Variants in AGBL1 observed in about 807,000 individuals in gnomAD.
AGBL1 encodes the protein cytosolic carboxypeptidase 4.
AGBL1 carries 130 observed loss-of-function variants against 118.9 expected under a neutral mutation model. That is an observed-to-expected ratio of 1.09 (90% confidence interval 0.95 to 1.26). The LOEUF (loss-of-function observed/expected upper bound fraction) is 1.26. Ranked by LOEUF, AGBL1 falls within the 50% of genes most tolerant of loss-of-function variation. The probability of loss-of-function intolerance (pLI) is 0.00; values close to 1 mark genes in which losing one functional copy is unlikely to be tolerated. For missense variants in AGBL1, 1,584 were observed against 1,298.1 expected, an observed-to-expected ratio of 1.22 and a Z score of -3.38; for synonymous variants, 555 against 478.9, an observed-to-expected ratio of 1.16 and a Z score of -2.08.
intron 1 of AGBL1, among the ~76,000 whole-genome samples, chr15:86,095,166 G>C (rs1896276429): frequency 6.6e-6 from 1 of 152,120 alleles, no homozygotes; most frequent in Non-Finnish European, 1.5e-5. Context: ...AGGAAGTTAG[G>C]GTGCACCACC....
At chr15:86,720,001 G>C (rs2086693155) in intron 22 of AGBL1, among the ~76,000 whole-genome samples, 1 of 152,186 alleles carries the variant, frequency 6.6e-6, no homozygotes, top group African/African-American at 2.4e-5. Context: ...ATGTTGGGCT[G>C]CTTCAGGGGT....
chr15:86,831,181 C>A (rs755444968), intron 22 of AGBL1, among the ~76,000 whole-genome samples: 3 of 152,168 alleles, frequency 2.0e-5, no homozygotes, highest in Non-Finnish European at 2.9e-5. Context: ...GGGTTCCTCC[C>A]ATGACACATG....
chr15:86,769,670 G>C (rs547540356), intron 22 of AGBL1, among the ~76,000 whole-genome samples: 1 of 152,004 alleles, frequency 6.6e-6, no homozygotes, highest in Admixed American at 6.6e-5. Context: ...CATCGACATT[G>C]GTAGCATTTG....
chr15:86,447,866 C>A (rs1566995870), intron 18 of AGBL1, among the ~76,000 whole-genome samples: 1 of 152,130 alleles, frequency 6.6e-6, no homozygotes, highest in South Asian at 2.1e-4. Flanking sequence ...AAAACAGGGC[C>A]GGGTGCAGTG....
intron 1 of AGBL1, among the ~76,000 whole-genome samples, chr15:86,087,180 G>C (rs1263829376): frequency 1.3e-5 from 2 of 152,248 alleles, no homozygotes; most frequent in East Asian, 3.9e-4. Context: ...CCTGCATTAA[G>C]GGACTACTCA....
chr15:86,296,652 C>T (rs1769006672), intron 17 of AGBL1: 2 of 152,168 alleles, frequency 1.3e-5, no homozygotes, highest in Admixed American at 6.6e-5. Context: ...AATCAACAAC[C>T]GATTAACCCA....
At chr15:86,261,118 C>T (rs1322431278) in intron 9 of AGBL1, among the ~76,000 whole-genome samples, 1 of 152,172 alleles carries the variant, frequency 6.6e-6, no homozygotes, top group Admixed American at 6.5e-5. Flanking sequence ...TTATTAACCC[C>T]TGCTCTAAGG....
intron 18 of AGBL1, among the ~76,000 whole-genome samples, chr15:86,433,067 C>G (rs2081955350): frequency 6.6e-6 from 1 of 152,106 alleles, no homozygotes; most frequent in Non-Finnish European, 1.5e-5. Context: ...TGTGCTCAAG[C>G]CAGGGCAAGT....
At chr15:86,750,883 A>T (rs1039566943) in intron 22 of AGBL1, among the ~76,000 whole-genome samples, 2 of 152,084 alleles carry the variant, frequency 1.3e-5, no homozygotes, top group Non-Finnish European at 2.9e-5. Context: ...AAGCAAGGAC[A>T]TGTGATATTT....
At chr15:86,787,110 T>C (rs2078423763) in intron 22 of AGBL1, among the ~76,000 whole-genome samples, 1 of 152,200 alleles carries the variant, frequency 6.6e-6, no homozygotes, top group African/African-American at 2.4e-5. Context: ...ATTCTTTGAT[T>C]GTTTTTTAAA....
At chr15:86,332,105 A>AG (rs397955330) in intron 17 of AGBL1, among the ~76,000 whole-genome samples, 1 of 152,020 alleles carries the variant, frequency 6.6e-6, no homozygotes, top group Non-Finnish European at 1.5e-5. Context: ...GGGAAAAAAA[A>AG]GCAGGGATTG....
intron 1 of AGBL1, chr15:86,138,442 TG>T (rs1285406999): frequency 2.0e-5 from 3 of 152,264 alleles, no homozygotes; most frequent in Admixed American, 2.0e-4. Context: ...CAGCCCTTGC[TG>T]TCTTGGGTCC....
intron 22 of AGBL1, among the ~76,000 whole-genome samples, chr15:86,715,794 C>G (rs931221044): frequency 5.9e-5 from 9 of 152,134 alleles, no homozygotes; most frequent in African/African-American, 2.2e-4. Flanking sequence ...TGCGGTGGCT[C>G]ACACCTGTAA....
chr15:86,665,490 T>C (rs1212183587), intron 21 of AGBL1, among the ~76,000 whole-genome samples: 1 of 152,190 alleles, frequency 6.6e-6, no homozygotes, highest in African/African-American at 2.4e-5. Context: ...GTTATATTAA[T>C]TTGCATTTTA....
chr15:86,226,963 G>C (rs2078375196), intron 6 of AGBL1, among the ~76,000 whole-genome samples: 1 of 152,168 alleles, frequency 6.6e-6, no homozygotes, highest in South Asian at 2.1e-4. Context: ...TGTATTACTT[G>C]CCTCAGCACA....
rs149733867 is a variant in AGBL1, at chr15:86,152,799, A to C, written c.263-1631A>C. On this transcript the variant is annotated intron_variant, in intron 3 of 22. Transcript: ENST00000614907. ...AGGGCTAATCCAAAGTCTACAAAGAACTCAAACAAATTTACAAGAGAAAAA... is the reference window on the plus strand; with the variant it reads ...AGGGCTAATCCAAAGTCTACAAAGACCTCAAACAAATTTACAAGAGAAAAA... Among the ~76,000 whole-genome samples the C allele has an allele frequency of 1.3e-3, 205 of 152,320 alleles. 1 individual carries two copies. The highest frequency in any genetic ancestry group is 4.8e-3 in the African/African-American group (199 of 41,566).
At chr15:86,274,614 C>T (rs115329856) in intron 15 of AGBL1, among the ~76,000 whole-genome samples, 1 of 152,150 alleles carries the variant, frequency 6.6e-6, no homozygotes, top group Admixed American at 6.5e-5. Flanking sequence ...GAGACCTCTC[C>T]CATGCAACAA....
At chr15:86,924,020 A>G (rs940440013) in intron 23 of AGBL1, among the ~76,000 whole-genome samples, 13 of 152,242 alleles carry the variant, frequency 8.5e-5, no homozygotes, top group Non-Finnish European at 1.5e-4. Flanking sequence ...AGCAGTCTCC[A>G]TAAATACGTG....
chr15:86,467,279 A>T (rs1323697332), intron 18 of AGBL1, among the ~76,000 whole-genome samples: 1 of 152,038 alleles, frequency 6.6e-6, no homozygotes, highest in East Asian at 1.9e-4. Flanking sequence ...CTGTGAGGGG[A>T]AAACTGCCTA....
Sources: allele counts gnomAD v4.1 joint callset (sites outside exome capture counted in the v4.1 genomes callset), GRCh38; gene constraint gnomAD v4.1.1; transcripts MANE v1.5; gene names NCBI Gene and HGNC (gene_info 2026-07-23, HGNC 2026-07-21).